CDC7: variants seen among roughly 807,000 people sequenced by gnomAD.
The protein encoded by CDC7 is cell division cycle 7.
A neutral mutation model predicts 53.5 loss-of-function variants in CDC7; 34 were observed. That is an observed-to-expected ratio of 0.64 (90% confidence interval 0.48 to 0.85). The LOEUF is 0.85. Among genes scored for constraint, CDC7 ranks in the 40% least tolerant of loss-of-function variants. The pLI, the probability that CDC7 is intolerant of heterozygous loss-of-function variation, is 0.00. For synonymous variants in CDC7, 211 were observed against 222.8 expected (o/e 0.95, Z 0.47); for missense variants, 594 against 679.7 (o/e 0.87, Z 1.40).
intron 9 of CDC7, 31 bp from the exon 10 acceptor site, chr1:91,515,763 C>A: frequency 6.2e-7 from 1 of 1,609,500 alleles, no homozygotes; most frequent in Non-Finnish European, 8.5e-7. Flanking sequence ...TCAACTTTAA[C>A]ATAACTAGAG....
Position 91,507,915 on chromosome 1 carries a change from G to T in CDC7, c.177G>T (p.Lys59Asn). The T allele has an allele frequency of 1.3e-6, 2 of 1,559,184 alleles. No homozygotes were observed. The highest frequency in any genetic ancestry group is 1.2e-5 in the South Asian group (1 of 83,120). ...EAVPQLSNVFKIEDKIGEGTF... is the reference protein window; with the variant it reads ...EAVPQLSNVFNIEDKIGEGTF... ...TACCACAGCTTAGTAATGTGTTTAA[G>T]ATTGAGGACAAAATTGGAGAAGGTA... The change falls in exon 3 of 12, where the codon AAG becomes AAT. Residue 59 changes from lysine (K) to asparagine (N), a missense_variant. Coordinates refer to ENST00000234626, the MANE Select transcript of CDC7 (RefSeq NM_003503.4).
In CDC7 at chr1:91,520,142, G is replaced by A; in HGVS notation, c.1193G>A (p.Trp398Ter). The A allele has an allele frequency of 6.3e-7, 1 of 1,584,878 alleles. No homozygotes were observed. The highest frequency in any genetic ancestry group is 8.6e-7 in the Non-Finnish European group (1 of 1,168,048). ...TCTTCTGTTGCAGCAATTGACATGT[G>A]GTCTGCAGGTGTCATATTTCTTTCT... is the stretch of plus-strand genomic sequence containing the variant. ...CPNQTTAIDM[W>*]SAGVIFLSLL... Residue 398 changes from tryptophan (W) to a stop codon, truncating the protein, a stop_gained, in exon 11 of 12, where the codon TGG (tryptophan) becomes TAG (stop). Transcript: ENST00000234626. LOFTEE classifies it high-confidence loss of function.
Position 91,508,241 on chromosome 1 carries a change from AT to A in CDC7, c.200-18del, listed in dbSNP as rs1279979052. ...ATTTTTAAAAACCAGATATTGAAAA[AT>A]TTAATAAATTGTTTTACAGGCACTT... is the stretch of plus-strand genomic sequence containing the variant. On this transcript the variant is annotated intron_variant, in intron 3 of 11. Coordinates refer to ENST00000234626, the MANE Select transcript of CDC7 (RefSeq NM_003503.4). 1 of 1,563,544 alleles carries A rather than the reference AT, an allele frequency of 6.4e-7. No homozygotes were observed. The highest frequency in any genetic ancestry group is 8.6e-7 in the Non-Finnish European group (1 of 1,159,296).
chr1:91,514,129 C>T, intron 8 of CDC7, 86 bp downstream of exon 8: 2 of 825,396 alleles, frequency 2.4e-6, no homozygotes, highest in Non-Finnish European at 3.7e-6. Context: ...CATTTATTAT[C>T]AGAAATTTTT....
rs894413602 is a variant in CDC7, at chr1:91,524,355, C to A, written c.1645C>A (p.Leu549Ile). The change falls in exon 12 of 12, where the codon CTT becomes ATT. Residue 549 changes from leucine to isoleucine, a missense_variant. Physicochemically the swap from Leu to Ile is conservative, Grantham distance 5 (BLOSUM62 2). Coordinates refer to ENST00000234626, the MANE Select transcript of CDC7 (RefSeq NM_003503.4). ...PDEAYDLLDK[L>I]LDLNPASRIT... ...TGAAGCTTATGACCTGCTTGATAAA[C>A]TTCTAGATCTAAATCCAGCTTCAAG... The A allele has an allele frequency of 1.2e-6, 2 of 1,613,544 alleles. No homozygotes were observed. Among genetic ancestry groups the A allele is most frequent in the Admixed American group, 1.7e-5 (1 of 60,014 alleles).
intron 2 of CDC7, among the ~76,000 whole-genome samples, chr1:91,504,534 T>C (rs1666882450): frequency 6.6e-6 from 1 of 152,244 alleles, no homozygotes; most frequent in African/African-American, 2.4e-5. Context: ...TGGTGAACTC[T>C]ACTGGAAGGA....
intron 4 of CDC7, 87 bp downstream of exon 4, chr1:91,508,484 ATG>A (rs1343578601): frequency 2.0e-6 from 2 of 1,008,936 alleles, no homozygotes; most frequent in East Asian, 5.7e-5. Flanking sequence ...AGGGGATTAT[ATG>A]TGAATTAAAT....
intron 11 of CDC7, among the ~76,000 whole-genome samples, chr1:91,523,839 C>G (rs556873712): frequency 6.6e-6 from 1 of 152,062 alleles, no homozygotes; most frequent in Non-Finnish European, 1.5e-5. Flanking sequence ...CACTTTATCT[C>G]CCACTATGCA....
chr1:91,513,851 C>T, intron 7 of CDC7, 97 bp from the exon 8 acceptor site: 6 of 802,318 alleles, frequency 7.5e-6, no homozygotes, highest in Non-Finnish European at 1.0e-5. Flanking sequence ...GTTTTTGTTT[C>T]ATCTCACTTA....
intron 2 of CDC7, among the ~76,000 whole-genome samples, chr1:91,505,838 A>G (rs1165005243): frequency 1.3e-5 from 2 of 152,188 alleles, no homozygotes; most frequent in Non-Finnish European, 2.9e-5. Context: ...ATTTTTGTAA[A>G]GAGGAGTAGA....
At position 91,524,546 on chromosome 1, in the gene CDC7, A is replaced by G; in HGVS notation, c.*111A>G. ...CAGAGCAGGATTAATAATTTATTTTAACATTTTAGTGTTTGGTGGCACATT... is the reference window on the plus strand; with the variant it reads ...CAGAGCAGGATTAATAATTTATTTTGACATTTTAGTGTTTGGTGGCACATT... On this transcript the variant is annotated 3_prime_UTR_variant, in exon 12 of 12. Transcript: ENST00000234626. 3 of 838,798 alleles carry G rather than the reference A, an allele frequency of 3.6e-6. No homozygotes were observed. The highest frequency in any genetic ancestry group is 5.5e-6 in the Non-Finnish European group (3 of 548,146). 52.0% of individuals were successfully genotyped at this position (838,798 alleles called of 1,614,324 possible). A position where few individuals can be genotyped will look rare whatever the true frequency, so the allele number is the denominator to read the frequency against.
intron 3 of CDC7, 32 bp downstream of exon 3, chr1:91,507,969 C>T (rs546040206): frequency 1.6e-5 from 25 of 1,521,618 alleles, no homozygotes; most frequent in South Asian, 5.2e-5. Context: ...ACTATTTTTA[C>T]GAGGTCTTTT....
intron 2 of CDC7, among the ~76,000 whole-genome samples, chr1:91,505,030 G>C (rs2102327643): frequency 6.6e-6 from 1 of 152,314 alleles, no homozygotes; most frequent in Non-Finnish European, 1.5e-5. Context: ...GAGATAGGAA[G>C]TATTGGGGAA....
intron 11 of CDC7, among the ~76,000 whole-genome samples, chr1:91,521,176 C>T (rs1228687575): frequency 6.6e-6 from 1 of 152,188 alleles, no homozygotes; most frequent in Admixed American, 6.5e-5. Context: ...ACCAGAGTTG[C>T]ATGTCAGAAT....
intron 10 of CDC7, among the ~76,000 whole-genome samples, chr1:91,516,647 A>T (rs1263789987): frequency 6.6e-6 from 1 of 152,210 alleles, no homozygotes; most frequent in Non-Finnish European, 1.5e-5. Flanking sequence ...AACTATCCTA[A>T]CCCAAAGAGA....
intron 3 of CDC7, 59 bp from the exon 4 acceptor site, chr1:91,508,203 T>A: frequency 7.2e-7 from 1 of 1,381,350 alleles, no homozygotes; most frequent in Non-Finnish European, 1.0e-6. Flanking sequence ...TATCTTAGAA[T>A]TGTTTCATTA....
At chr1:91,518,073 A>G (rs1667666066) in intron 10 of CDC7, among the ~76,000 whole-genome samples, 1 of 134,938 alleles carries the variant, frequency 7.4e-6, no homozygotes. Flanking sequence ...CAGCCTGAGC[A>G]ACAGAGTGAG....
intron 10 of CDC7, among the ~76,000 whole-genome samples, chr1:91,519,697 G>C (rs956811655): frequency 2.0e-5 from 3 of 152,170 alleles, no homozygotes; most frequent in Non-Finnish European, 4.4e-5. Context: ...AGCTTCTAAT[G>C]TTCATTACTT....
At chr1:91,517,708 A>G (rs1667638688) in intron 10 of CDC7, among the ~76,000 whole-genome samples, 1 of 152,178 alleles carries the variant, frequency 6.6e-6, no homozygotes, top group South Asian at 2.1e-4. Flanking sequence ...GGGAGAGTAT[A>G]CAGAGGGAGA....
Sources: gnomAD v4.1 joint callset for allele counts (sites outside exome capture counted in the v4.1 genomes callset) on GRCh38, gnomAD v4.1.1 for gene constraint, MANE v1.5 for transcripts, NCBI Gene and HGNC (gene_info 2026-07-23, HGNC 2026-07-21) for gene names.